Variants in FREM1 observed in about 807,000 individuals in gnomAD.
FREM1 encodes the protein FRAS1-related extracellular matrix protein 1.
Under a neutral mutation model 210.1 loss-of-function variants are expected in FREM1, and 220 were observed. The observed-to-expected ratio is 1.05, with a 90% CI of 0.94 to 1.17. FREM1 has a LOEUF of 1.17. FREM1 is among the 50% of genes most tolerant of loss of function. The pLI is 0.00. For missense variants in FREM1, 3,454 were observed against 2,675.5 expected, an observed-to-expected ratio of 1.29 and a Z score of -6.42; for synonymous variants, 1,189 against 980.2, an observed-to-expected ratio of 1.21 and a Z score of -3.98.
intron 15 of FREM1, among the ~76,000 whole-genome samples, chr9:14,814,574 T>C (rs149658610): frequency 6.6e-6 from 1 of 152,326 alleles, no homozygotes; most frequent in East Asian, 1.9e-4. Context: ...TATAATATTC[T>C]CTACTTTTCT....
At chr9:14,821,725 GT>G (rs1181527628) in intron 13 of FREM1, among the ~76,000 whole-genome samples, 3 of 152,212 alleles carry the variant, frequency 2.0e-5, no homozygotes, top group Admixed American at 6.5e-5. Context: ...ATAGAAATAA[GT>G]GTGGTGAGTT....
At chr9:14,781,985 G>T (rs143324621) in intron 24 of FREM1, among the ~76,000 whole-genome samples, 1,979 of 152,314 alleles carry the variant, frequency 0.013, 36 homozygotes, top group African/African-American at 0.045. Flanking sequence ...GATTACAGGC[G>T]TGAGCCACTG....
At chr9:14,908,500 A>T (rs562655721) in intron 1 of FREM1, among the ~76,000 whole-genome samples, 1 of 152,012 alleles carries the variant, frequency 6.6e-6, no homozygotes, top group Non-Finnish European at 1.5e-5. Context: ...CCTTTGCCCA[A>T]CTCCTTTTTT....
chr9:14,844,225 C>CTTTTTTTTTT (rs35686371), intron 8 of FREM1, among the ~76,000 whole-genome samples: 2 of 138,784 alleles, frequency 1.4e-5, no homozygotes, highest in Non-Finnish European at 1.6e-5. Flanking sequence ...ACAACTCTTC[C>CTTTTTTTTTT]TTTTTTTTTT....
At chr9:14,877,720 T>C (rs997782070) in intron 1 of FREM1, among the ~76,000 whole-genome samples, 3 of 152,106 alleles carry the variant, frequency 2.0e-5, no homozygotes, top group Non-Finnish European at 4.4e-5. Flanking sequence ...CTGAATGAGC[T>C]TGGAAGTGGC....
chr9:14,825,910 C>T (rs1822357649), intron 10 of FREM1, among the ~76,000 whole-genome samples: 1 of 152,022 alleles, frequency 6.6e-6, no homozygotes, highest in Admixed American at 6.6e-5. Context: ...TGCCTGTTAG[C>T]CCTAAATCCA....
In FREM1 at chr9:14,737,170, T is replaced by A. The variant is rs1587587775; in HGVS notation, c.*226A>T. 21 of 440,746 alleles carry A rather than the reference T, an allele frequency of 4.8e-5. No homozygotes were observed. The East Asian group carries it at 5.1e-4, about 11-fold the overall frequency. The allele number at this position is 440,746 out of a possible 1,614,324, so 27.3% of individuals were successfully genotyped here. ...CTTACACTTTATAATACTGCTGGCA[T>A]TTATTTTAAAAGGTATTGAGATACA... On this transcript the variant is annotated 3_prime_UTR_variant, in exon 37 of 37. Transcript: ENST00000380880.
intron 1 of FREM1, among the ~76,000 whole-genome samples, chr9:14,902,338 T>G (rs1173880998): frequency 6.6e-6 from 1 of 152,116 alleles, no homozygotes; most frequent in Non-Finnish European, 1.5e-5. Flanking sequence ...TCTCACATGG[T>G]TGATATCATT....
At chr9:14,855,788 A>G (rs1415602662) in intron 5 of FREM1, among the ~76,000 whole-genome samples, 3 of 152,180 alleles carry the variant, frequency 2.0e-5, no homozygotes, top group African/African-American at 7.2e-5. Flanking sequence ...CTCCCAATAA[A>G]ACAGATTTTA....
rs1838614948 is a variant in FREM1, at chr9:14,900,602, G to C, written c.-268+9312C>G. Reference sequence around the variant, plus strand: ...TTGGGGGAGGGCTGGGAAGAGGAGAGGAAGATAGGATGGTCCTAGATAGAC... The same window carrying C: ...TTGGGGGAGGGCTGGGAAGAGGAGACGAAGATAGGATGGTCCTAGATAGAC... On this transcript the variant is annotated intron_variant, in intron 1 of 36. Coordinates refer to ENST00000380880, the MANE Select transcript of FREM1 (RefSeq NM_001379081.2). Among the ~76,000 whole-genome samples the C allele has an allele frequency of 6.6e-5, 10 of 152,204 alleles. No homozygotes were observed. In the South Asian group the frequency reaches 2.1e-3, roughly 32 times the overall value.
chr9:14,870,111 GGTTT>G (rs1832318845), intron 1 of FREM1, among the ~76,000 whole-genome samples: 1 of 152,154 alleles, frequency 6.6e-6, no homozygotes, highest in South Asian at 2.1e-4. Context: ...AACAAATAGT[GGTTT>G]GTTATGCCCA....
At chr9:14,901,106 T>C (rs947603359) in intron 1 of FREM1, among the ~76,000 whole-genome samples, 1 of 152,212 alleles carries the variant, frequency 6.6e-6, no homozygotes, top group African/African-American at 2.4e-5. Flanking sequence ...ATAAATTTTA[T>C]TATTCATAAG....
At chr9:14,842,261 G>T (rs962475489) in intron 9 of FREM1, 55 bp downstream of exon 9, 3 of 1,115,954 alleles carry the variant, frequency 2.7e-6, no homozygotes, top group East Asian at 4.7e-5. Context: ...TGCATAGAAG[G>T]TTCTCTATGG....
intron 16 of FREM1, 75 bp from the exon 17 acceptor site, chr9:14,808,209 C>T: frequency 1.1e-6 from 1 of 897,758 alleles, no homozygotes; most frequent in Non-Finnish European, 1.6e-6. Context: ...ACTCACACCT[C>T]TTCTACAAGC....
chr9:14,761,920 T>C (rs1845567440), intron 27 of FREM1, among the ~76,000 whole-genome samples: 2 of 152,204 alleles, frequency 1.3e-5, no homozygotes, highest in African/African-American at 4.8e-5. Context: ...AGTTGTTCTA[T>C]TTTATTAGTT....
chr9:14,896,912 A>G (rs1162839178), intron 1 of FREM1, among the ~76,000 whole-genome samples: 2 of 152,190 alleles, frequency 1.3e-5, no homozygotes, highest in Non-Finnish European at 2.9e-5. Flanking sequence ...GGTAACCTTG[A>G]TCATCTCATC....
At chr9:14,842,159 T>G (rs990494323) in intron 9 of FREM1, among the ~76,000 whole-genome samples, 157 bp downstream of exon 9, 2 of 152,200 alleles carry the variant, frequency 1.3e-5, no homozygotes, top group Non-Finnish European at 2.9e-5. Context: ...GCTTCCTCAT[T>G]ATGAAATGGG....
At chr9:14,847,789 ACTATTC>A in intron 7 of FREM1, among the ~76,000 whole-genome samples, 1 of 152,146 alleles carries the variant, frequency 6.6e-6, no homozygotes, top group East Asian at 1.9e-4. Flanking sequence ...ACACGTACAG[ACTATTC>A]CATCTCTACA....
intron 1 of FREM1, among the ~76,000 whole-genome samples, chr9:14,887,956 C>G (rs577904731): frequency 1.3e-5 from 2 of 152,202 alleles, no homozygotes; most frequent in Non-Finnish European, 2.9e-5. Context: ...CGCCACCATG[C>G]CCAGCTAATT....
Sources: allele counts gnomAD v4.1 joint callset (sites outside exome capture counted in the v4.1 genomes callset), GRCh38; gene constraint gnomAD v4.1.1; transcripts MANE v1.5; gene names NCBI Gene and HGNC (gene_info 2026-07-23, HGNC 2026-07-21).